The following KCNQ1 variants were observed in gnomAD, a reference collection of about 807,000 sequenced individuals.
KCNQ1 encodes potassium voltage-gated channel subfamily Q member 1.
In KCNQ1, 49 loss-of-function variants were observed where a neutral mutation model predicts 72.4. The observed-to-expected ratio is 0.68, with a 90% confidence interval of 0.54 to 0.86. The LOEUF is 0.86. Among genes scored for constraint, KCNQ1 ranks in the 40% least tolerant of loss-of-function variants. The probability of loss-of-function intolerance (pLI) is 0.00; values close to 1 mark genes in which losing one functional copy is unlikely to be tolerated. For missense variants in KCNQ1, 790 were observed against 945.1 expected (o/e 0.84, Z 2.15); for synonymous variants, 450 against 412.6 (o/e 1.09, Z -1.10).
At chr11:2,702,389 C>T (rs752792071) in intron 11 of KCNQ1, among the ~76,000 whole-genome samples, 21 of 152,132 alleles carry the variant, frequency 1.4e-4, no homozygotes, top group Non-Finnish European at 2.6e-4. Flanking sequence ...CCAAGGATGT[C>T]GAACACAGGC....
intron 15 of KCNQ1, among the ~76,000 whole-genome samples, chr11:2,844,339 C>T (rs1848275815): frequency 6.6e-6 from 1 of 152,228 alleles, no homozygotes; most frequent in African/African-American, 2.4e-5. Flanking sequence ...CTGGCCCACC[C>T]CCGGGGCCTC....
intron 1 of KCNQ1, 69 bp downstream of exon 1, chr11:2,445,553 C>A: frequency 1.3e-6 from 2 of 1,524,032 alleles, no homozygotes; most frequent in East Asian, 2.3e-5. Context: ...GGAGCTCTGT[C>A]CCAGCGCCAC....
In KCNQ1 at chr11:2,782,600, A is replaced by G. The variant is rs1846842308; in HGVS notation, c.1794+4563A>G. 3.3e-5 allele frequency among the ~76,000 whole-genome samples: 5 copies of G among 152,346 alleles called. No individual in the cohort carries two copies. The South Asian group carries it at 1.0e-3, about 32-fold the overall frequency. On this transcript the variant is annotated intron_variant, in intron 15 of 15. Coordinates refer to ENST00000155840, the MANE Select transcript of KCNQ1 (RefSeq NM_000218.3). This position sits in a 1 kb window ranked among gnomAD's most constrained non-coding sequence, Gnocchi z 6.1. The stretch of plus-strand genomic sequence containing the variant: ...TGGTGTTTTCTTTGTGGGAAGATTC[A>G]TCATTCCTGATTCAATCGCTCTAAT...
In KCNQ1 at chr11:2,766,020, C is replaced by G. The variant is rs542833411; in HGVS notation, c.1515-2824C>G. Among the ~76,000 whole-genome samples, 3 of 152,158 alleles carry G rather than the reference C, an allele frequency of 2.0e-5. No homozygotes were observed. Among genetic ancestry groups the G allele is most frequent in the Non-Finnish European group, 4.4e-5 (3 of 68,042 alleles). On this transcript the variant is annotated intron_variant, in intron 11 of 15. Transcript: ENST00000155840. This position sits in a 1 kb window ranked among gnomAD's most constrained non-coding sequence, Gnocchi z 4.4. ...CTGGCTATTTTCTTTGGGTTCACAG[C>G]TATTCTTTTCTACTCTGTCGTCCCT...
rs1848973658 is a variant in KCNQ1 at position 2,611,090 on chromosome 11, A to G, written c.1393+22236A>G. On this transcript the variant is annotated intron_variant, in intron 10 of 15. Coordinates refer to ENST00000155840, the MANE Select transcript of KCNQ1 (RefSeq NM_000218.3). The surrounding 1 kb of genome is among the most constrained non-coding windows in gnomAD (Gnocchi z 5.3). ...GTGTTTTTAGCTGTTATAAATTTTT[A>G]TTTCTTTATGACTTCTGTTTATGAT... is the stretch of plus-strand genomic sequence containing the variant. The G allele has an allele frequency of 2.5e-6, 1 of 397,552 alleles. No homozygotes were observed. Among genetic ancestry groups the G allele is most frequent in the Non-Finnish European group, 4.4e-6 (1 of 225,822 alleles). The allele number at this position is 397,552 out of a possible 1,614,324, so 24.6% of individuals were successfully genotyped here.
chr11:2,506,432 A>G (rs943153531), intron 1 of KCNQ1, among the ~76,000 whole-genome samples: 5 of 152,172 alleles, frequency 3.3e-5, no homozygotes, highest in Non-Finnish European at 7.3e-5. Flanking sequence ...TGGATGTGCC[A>G]TGCTTATTCA....
intron 15 of KCNQ1, among the ~76,000 whole-genome samples, chr11:2,811,124 C>T (rs1010022070): frequency 1.6e-4 from 25 of 152,348 alleles, no homozygotes; most frequent in Middle Eastern, 3.4e-3. Flanking sequence ...TCAGGCTGTG[C>T]ACCTCCGCAG....
In KCNQ1 at chr11:2,624,509, AT is replaced by A; in HGVS notation, c.1393+35658del. On this transcript the variant is annotated intron_variant, in intron 10 of 15. Transcript: ENST00000155840. This position sits in a 1 kb window ranked among gnomAD's most constrained non-coding sequence, Gnocchi z 4.9. ...CATCACCAAACTAAAGATCATCTAG[AT>A]TTCTTCCTATGTTATCTTCTGGGAT... 2.5e-6 allele frequency: 1 copy of A among 398,408 alleles called. No homozygotes were observed. The highest frequency in any genetic ancestry group is 3.6e-5 in the East Asian group (1 of 28,030). 24.7% of individuals were successfully genotyped at this position (398,408 alleles called of 1,614,324 possible).
intron 2 of KCNQ1, among the ~76,000 whole-genome samples, chr11:2,551,200 T>TA (rs1847978196): frequency 6.6e-6 from 1 of 152,160 alleles, no homozygotes; most frequent in Non-Finnish European, 1.5e-5. Flanking sequence ...TATGGTCCTG[T>TA]AACCACCCCC....
At chr11:2,638,689 T>A (rs1295434374) in intron 10 of KCNQ1, 1 of 152,198 alleles carries the variant, frequency 6.6e-6, no homozygotes, top group Non-Finnish European at 1.5e-5. Flanking sequence ...CTTTGTGGCA[T>A]TCTCTGTATT....
chr11:2,540,242 A>T (rs1440714842), intron 2 of KCNQ1, among the ~76,000 whole-genome samples: 2 of 152,196 alleles, frequency 1.3e-5, no homozygotes, highest in Non-Finnish European at 2.9e-5. Context: ...CCTAGAGGGC[A>T]TTACATTCAG....
chr11:2,798,355 G>A (rs946291943), intron 15 of KCNQ1, among the ~76,000 whole-genome samples: 55 of 152,132 alleles, frequency 3.6e-4, no homozygotes, highest in African/African-American at 1.1e-3. Flanking sequence ...CTGGGGTTGT[G>A]CCCAGTCCTC....
At chr11:2,503,488 A>G (rs183301654) in intron 1 of KCNQ1, among the ~76,000 whole-genome samples, 6 of 143,066 alleles carry the variant, frequency 4.2e-5, no homozygotes, top group African/African-American at 1.5e-4. Flanking sequence ...GAACTGAACA[A>G]TGAGAACACA....
intron 2 of KCNQ1, among the ~76,000 whole-genome samples, chr11:2,561,006 T>C (rs1445864644): frequency 6.6e-6 from 1 of 151,118 alleles, no homozygotes; most frequent in Non-Finnish European, 1.5e-5. Context: ...ATCGAGACCA[T>C]CCTGGCTAAC....
intron 15 of KCNQ1, among the ~76,000 whole-genome samples, chr11:2,778,848 G>T (rs935758469): frequency 8.2e-4 from 125 of 152,330 alleles, no homozygotes; most frequent in East Asian, 3.9e-4. Flanking sequence ...GCTCTGGCCT[G>T]CTTCCATCTC....
Position 2,831,156 on chromosome 11 carries a change from T to A in KCNQ1, c.1795-16611T>A, listed in dbSNP as rs1590116891. ...AAGCCAAAGGCGGCGATCAATGGGATGTTCTCAGAATGACAGGTGCTCTGT... is the reference window on the plus strand; with the variant it reads ...AAGCCAAAGGCGGCGATCAATGGGAAGTTCTCAGAATGACAGGTGCTCTGT... On this transcript the variant is annotated intron_variant, in intron 15 of 15. Transcript: ENST00000155840. Among the ~76,000 whole-genome samples, 3 of 152,194 alleles carry A rather than the reference T, an allele frequency of 2.0e-5. No individual in the cohort carries two copies. The South Asian group carries it at 6.2e-4, about 31-fold the overall frequency.
rs1388739142 is a variant in KCNQ1 at position 2,548,939 on chromosome 11, C to T, written c.477+20921C>T. Among the ~76,000 whole-genome samples, 4 of 152,332 alleles carry T rather than the reference C, an allele frequency of 2.6e-5. No homozygotes were observed. The East Asian group carries it at 5.8e-4, about 22-fold the overall frequency. ...AGGGGCCCTACTGTCCCCCGACTACCACTGCCCCAGCCCTCCTGAGCCCCT... is the reference window on the plus strand; with the variant it reads ...AGGGGCCCTACTGTCCCCCGACTACTACTGCCCCAGCCCTCCTGAGCCCCT... On this transcript the variant is annotated intron_variant, in intron 2 of 15. Coordinates refer to ENST00000155840, the MANE Select transcript of KCNQ1 (RefSeq NM_000218.3).
chr11:2,816,461 C>T lies in KCNQ1; in HGVS notation c.1795-31306C>T, dbSNP rs1344293658. On this transcript the variant is annotated intron_variant, in intron 15 of 15. Transcript: ENST00000155840. This position sits in a 1 kb window ranked among gnomAD's most constrained non-coding sequence, Gnocchi z 6.8. Reference sequence around the variant, plus strand: ...GAGAATCCGCCCTGGAGCAGTAACACCCTTGGGACTGAGAATGGCTTCTGG... The same window carrying T: ...GAGAATCCGCCCTGGAGCAGTAACATCCTTGGGACTGAGAATGGCTTCTGG... Among the ~76,000 whole-genome samples, 1 of 152,164 alleles carries T rather than the reference C, an allele frequency of 6.6e-6. No individual in the cohort carries two copies. The highest frequency in any genetic ancestry group is 2.4e-5 in the African/African-American group (1 of 41,434).
At position 2,822,431 on chromosome 11, in the gene KCNQ1, C is replaced by T. The variant is rs959821816; in HGVS notation, c.1795-25336C>T. 5.3e-5 allele frequency among the ~76,000 whole-genome samples: 8 copies of T among 152,100 alleles called. No individual in the cohort carries two copies. The South Asian group carries it at 1.2e-3, about 24-fold the overall frequency. On this transcript the variant is annotated intron_variant, in intron 15 of 15. Transcript: ENST00000155840. ...GGAGGTGGAGGTGGGGAAATGGGGA[C>T]AGATATTAGGCCATTATGGCAGAAT...
Sources: allele counts gnomAD v4.1 joint callset (sites outside exome capture counted in the v4.1 genomes callset), GRCh38; gene constraint gnomAD v4.1.1; non-coding constraint Gnocchi (gnomAD v3.1); transcripts MANE v1.5; gene names NCBI Gene and HGNC (gene_info 2026-07-23, HGNC 2026-07-21).